Variants in ZNF346 observed in about 807,000 individuals in gnomAD.
ZNF346 encodes the protein zinc finger protein 346, also known as double-stranded RNA-binding zinc finger protein JAZ.
Under a neutral mutation model 33.7 loss-of-function variants are expected in ZNF346, and 23 were observed. That is an observed-to-expected ratio of 0.68 (90% CI 0.49 to 0.97). The LOEUF is 0.97. ZNF346 is among the 50% of genes least tolerant of loss of function. The probability of loss-of-function intolerance (pLI) is 0.00; values close to 1 mark genes in which losing one functional copy is unlikely to be tolerated. For missense variants in ZNF346, 340 were observed against 371.1 expected (o/e 0.92, Z 0.69); for synonymous variants, 134 against 142.4 (o/e 0.94, Z 0.42).
intron 1 of ZNF346, among the ~76,000 whole-genome samples, chr5:177,026,991 A>C (rs1348257077): frequency 6.6e-6 from 1 of 152,134 alleles, no homozygotes; most frequent in Non-Finnish European, 1.5e-5. Context: ...AGTGATTGCT[A>C]TCTCATTTTA....
intron 2 of ZNF346, 96 bp from the exon 3 acceptor site, chr5:177,041,682 A>T: frequency 1.3e-6 from 1 of 785,384 alleles, no homozygotes; most frequent in East Asian, 2.7e-5. Flanking sequence ...ACTTTTTGTG[A>T]GGATGAATCA....
chr5:177,031,730 A>G (rs1267431688), intron 1 of ZNF346, among the ~76,000 whole-genome samples: 1 of 151,892 alleles, frequency 6.6e-6, no homozygotes, highest in Non-Finnish European at 1.5e-5. Context: ...CTCCTTACAC[A>G]TATGTTAGTA....
At chr5:177,040,462 A>T (rs1260186471) in intron 1 of ZNF346, among the ~76,000 whole-genome samples, 6 of 151,998 alleles carry the variant, frequency 3.9e-5, no homozygotes, top group Admixed American at 3.9e-4. Flanking sequence ...CTCCTGCCTC[A>T]GCCTCCCGAG....
intron 1 of ZNF346, among the ~76,000 whole-genome samples, chr5:177,024,328 G>A (rs1776432829): frequency 1.3e-5 from 2 of 150,758 alleles, no homozygotes; most frequent in South Asian, 2.1e-4. Context: ...CTCCGGAGTA[G>A]CTGGGATTAC....
chr5:177,039,146 C>T (rs1217496766), intron 1 of ZNF346, among the ~76,000 whole-genome samples: 1 of 151,954 alleles, frequency 6.6e-6, no homozygotes, highest in African/African-American at 2.4e-5. Context: ...CCACCTTGGC[C>T]TCCCAAAGTG....
In ZNF346 at chr5:177,066,610, A is replaced by G. The variant is rs1783190794; in HGVS notation, c.*2011A>G. ...TGGCCAGGTGCGGCGTCATGCACCT[A>G]TAGTCCCAGCTGCTCAGGAGGCTAA... On this transcript the variant is annotated 3_prime_UTR_variant, in exon 7 of 7. Transcript: ENST00000358149. Among the ~76,000 whole-genome samples, 2 of 152,038 alleles carry G rather than the reference A, an allele frequency of 1.3e-5. No individual in the cohort carries two copies. Among genetic ancestry groups the G allele is most frequent in the East Asian group, 1.9e-4 (1 of 5,180 alleles).
chr5:177,041,082 G>A (rs1231218357), intron 1 of ZNF346, 44 bp from the exon 2 acceptor site: 1 of 1,440,930 alleles, frequency 6.9e-7, no homozygotes, highest in Admixed American at 1.7e-5. Context: ...TGCTGTTGAG[G>A]TAGTGTTTGT....
At chr5:177,070,295 C>T (rs1387931213), downstream of ZNF346, among the ~76,000 whole-genome samples, 1 of 152,094 alleles carries the variant, frequency 6.6e-6, no homozygotes, top group Non-Finnish European at 1.5e-5. Flanking sequence ...GAAATCAGGG[C>T]CCTTCTTACT....
chr5:177,076,879 A>T (rs933298094), intron 8 of ZNF346, among the ~76,000 whole-genome samples: 2 of 152,110 alleles, frequency 1.3e-5, no homozygotes, highest in Non-Finnish European at 2.9e-5. Flanking sequence ...CGTCTCTACT[A>T]AAAATACAAA....
Position 177,022,764 on chromosome 5 carries a change from T to C in ZNF346, c.26T>C (p.Val9Ala). 6.4e-7 allele frequency: 1 copy of C among 1,558,716 alleles called. No individual in the cohort carries two copies. The highest frequency in any genetic ancestry group is 1.2e-5 in the South Asian group (1 of 84,930). Reference protein sequence around the residue: MEYPAPATVQAADGGAAGP... With the variant: MEYPAPATAQAADGGAAGP... ...ATGGAGTATCCCGCGCCGGCCACGG[T>C]GCAGGCCGCGGACGGCGGAGCGGCC... Residue 9 changes from valine to alanine, a missense_variant, in exon 1 of 7, where the codon GTG becomes GCG. Transcript: ENST00000358149.
chr5:177,062,435 TCTGA>T lies in ZNF346; in HGVS notation c.797+288_797+291del, dbSNP rs1330889901. On this transcript the variant is annotated intron_variant, in intron 6 of 6. Transcript: ENST00000358149. ...ACCTGGCTGTCCTAGTCTGTAGCAC[TCTGA>T]CTGGGGAAGTGCTTTTCCACTGGCC... Among the ~76,000 whole-genome samples the T allele has an allele frequency of 8.5e-5, 13 of 152,344 alleles. No homozygotes were observed. The East Asian group carries it at 1.9e-3, about 23-fold the overall frequency.
chr5:177,023,139 C>T (rs1481696195), intron 1 of ZNF346: 2 of 1,473,074 alleles, frequency 1.4e-6, no homozygotes, highest in Admixed American at 3.9e-5. Context: ...TTTCCTCCTC[C>T]TCCTTCATCA....
At chr5:177,032,227 C>T (rs1341272358) in intron 1 of ZNF346, among the ~76,000 whole-genome samples, 1 of 151,920 alleles carries the variant, frequency 6.6e-6, no homozygotes, top group Non-Finnish European at 1.5e-5. Flanking sequence ...TGGTTTTGAC[C>T]TCCTGACCTC....
chr5:177,049,786 T>C (rs780657732), intron 4 of ZNF346, among the ~76,000 whole-genome samples: 5 of 152,162 alleles, frequency 3.3e-5, no homozygotes, highest in African/African-American at 2.4e-5. Flanking sequence ...ACCTACCTCA[T>C]TGGGGTAGTT....
chr5:177,051,610 C>G (rs1035330425), intron 5 of ZNF346: 1 of 152,302 alleles, frequency 6.6e-6, no homozygotes, highest in African/African-American at 2.4e-5. Context: ...GCAATCTCAG[C>G]TCACTGCAGC....
chr5:177,063,410 C>G (rs758338024), intron 6 of ZNF346, among the ~76,000 whole-genome samples: 3 of 152,208 alleles, frequency 2.0e-5, no homozygotes, highest in Non-Finnish European at 2.9e-5. Flanking sequence ...GGAGTCTCCT[C>G]TCTCACACTG....
chr5:177,023,385 G>C (rs1426707658), intron 1 of ZNF346, among the ~76,000 whole-genome samples: 5 of 152,094 alleles, frequency 3.3e-5, no homozygotes, highest in Non-Finnish European at 7.4e-5. Context: ...GGTTCCTCCT[G>C]GTCTTGATGA....
intron 1 of ZNF346, among the ~76,000 whole-genome samples, chr5:177,028,496 TTA>T (rs150044807): frequency 4.5e-4 from 41 of 90,508 alleles, no homozygotes; most frequent in East Asian, 2.1e-3. Flanking sequence ...TTGTGACGTT[TTA>T]TATATATATA....
At chr5:177,051,435 A>G (rs994487537) in intron 5 of ZNF346, among the ~76,000 whole-genome samples, 2 of 151,904 alleles carry the variant, frequency 1.3e-5, no homozygotes, top group Non-Finnish European at 2.9e-5. Flanking sequence ...TCGGCCTCCC[A>G]AAGTGCTAGA....
Sources: gnomAD v4.1 joint callset for allele counts (sites outside exome capture counted in the v4.1 genomes callset) on GRCh38, gnomAD v4.1.1 for gene constraint, MANE v1.5 for transcripts, NCBI Gene and HGNC (gene_info 2026-07-23, HGNC 2026-07-21) for gene names.